ATRNL1: variants seen among roughly 807,000 people sequenced by gnomAD.
ATRNL1 encodes the protein attractin-like protein 1.
Under a neutral mutation model 182.7 loss-of-function variants are expected in ATRNL1, and 95 were observed. The observed-to-expected ratio is 0.52, with a 90% CI of 0.44 to 0.62. ATRNL1 has a LOEUF of 0.62. Ranked by LOEUF, ATRNL1 falls within the 20% of genes least tolerant of loss-of-function variation. ATRNL1 has a pLI of 0.00. For missense variants in ATRNL1, 1,471 were observed against 1,679.5 expected, an observed-to-expected ratio of 0.88 and a Z score of 2.17; for synonymous variants, 576 against 568.3, an observed-to-expected ratio of 1.01 and a Z score of -0.19.
intron 27 of ATRNL1, among the ~76,000 whole-genome samples, chr10:115,771,209 C>T (rs1200965635): frequency 6.7e-6 from 1 of 150,280 alleles, no homozygotes; most frequent in South Asian, 2.1e-4. Context: ...ACAACCAGGA[C>T]TAGAATTCAT....
intron 1 of ATRNL1, among the ~76,000 whole-genome samples, chr10:115,105,363 T>C (rs1004305031): frequency 3.0e-4 from 45 of 152,160 alleles, no homozygotes; most frequent in African/African-American, 1.1e-3. Flanking sequence ...CATTCCATTC[T>C]CAAAGGGAAA....
chr10:115,836,863 G>A (rs1205165521), intron 27 of ATRNL1, among the ~76,000 whole-genome samples: 2 of 152,158 alleles, frequency 1.3e-5, no homozygotes, highest in Admixed American at 6.6e-5. Flanking sequence ...TATTTGTGCT[G>A]TGGATCTTTT....
chr10:115,596,856 C>CT (rs1215105318), intron 26 of ATRNL1, among the ~76,000 whole-genome samples: 6 of 152,034 alleles, frequency 3.9e-5, no homozygotes, highest in Non-Finnish European at 8.8e-5. Context: ...AGACATCAAT[C>CT]TTTATCAAAT....
intron 15 of ATRNL1, among the ~76,000 whole-genome samples, chr10:115,298,022 A>G (rs1168465887): frequency 6.6e-6 from 1 of 152,140 alleles, no homozygotes; most frequent in African/African-American, 2.4e-5. Context: ...TGTGATGCTA[A>G]CTAGCATGCC....
chr10:115,516,203 G>T (rs1227991518), intron 24 of ATRNL1, among the ~76,000 whole-genome samples: 1 of 151,536 alleles, frequency 6.6e-6, no homozygotes, highest in African/African-American at 2.4e-5. Context: ...TTTCTCCCTT[G>T]ATCCTCATGG....
chr10:115,096,777 C>CT (rs2085021942), intron 1 of ATRNL1: 1 of 1,247,488 alleles, frequency 8.0e-7, no homozygotes, highest in Admixed American at 2.7e-5. Context: ...TGATTCCAGT[C>CT]TTCTGTTTCC....
intron 14 of ATRNL1, among the ~76,000 whole-genome samples, chr10:115,285,540 A>G (rs1554918485): frequency 6.6e-6 from 1 of 152,088 alleles, no homozygotes; most frequent in African/African-American, 2.4e-5. Flanking sequence ...TATTATATAA[A>G]CCTGTGTTTT....
intron 25 of ATRNL1, among the ~76,000 whole-genome samples, chr10:115,535,725 C>G (rs555686461): frequency 1.2e-4 from 19 of 152,074 alleles, no homozygotes; most frequent in African/African-American, 3.6e-4. Context: ...TGTTTTTTCC[C>G]CATCTTTGTG....
chr10:115,445,039 A>G (rs1846891683), intron 21 of ATRNL1, among the ~76,000 whole-genome samples: 1 of 151,818 alleles, frequency 6.6e-6, no homozygotes. Context: ...CCCTGAAATT[A>G]TTATTATATT....
At chr10:115,368,173 C>T (rs112657580) in intron 19 of ATRNL1, among the ~76,000 whole-genome samples, 36 of 152,242 alleles carry the variant, frequency 2.4e-4, no homozygotes, top group South Asian at 2.3e-3. Context: ...TAGCAATCAG[C>T]GAGACTCCGT....
intron 26 of ATRNL1, among the ~76,000 whole-genome samples, chr10:115,618,862 T>G (rs2133798405): frequency 6.6e-6 from 1 of 152,338 alleles, no homozygotes; most frequent in African/African-American, 2.4e-5. Flanking sequence ...ATTATGTTCC[T>G]TGGGTGATGC....
intron 25 of ATRNL1, among the ~76,000 whole-genome samples, chr10:115,521,472 C>T (rs1292633575): frequency 6.6e-6 from 1 of 152,016 alleles, no homozygotes; most frequent in African/African-American, 2.4e-5. Context: ...CTTTTTGATG[C>T]AGAATAGTCT....
intron 8 of ATRNL1, among the ~76,000 whole-genome samples, chr10:115,214,300 T>A (rs1287363209): frequency 1.8e-5 from 2 of 108,884 alleles, no homozygotes; most frequent in Admixed American, 1.1e-4. Flanking sequence ...ATGAAAATCT[T>A]TTAGTTCAAA....
intron 27 of ATRNL1, among the ~76,000 whole-genome samples, chr10:115,795,879 G>A (rs1949642633): frequency 6.6e-6 from 1 of 152,098 alleles, no homozygotes; most frequent in African/African-American, 2.4e-5. Flanking sequence ...TGGGGACACA[G>A]AGCCAAACCA....
intron 27 of ATRNL1, among the ~76,000 whole-genome samples, chr10:115,734,315 C>T (rs1947887196): frequency 6.6e-6 from 1 of 152,062 alleles, no homozygotes; most frequent in Admixed American, 6.6e-5. Flanking sequence ...TATTTTCATG[C>T]ATCCTTGTCA....
chr10:115,908,302 G>T (rs1952563981), intron 28 of ATRNL1, among the ~76,000 whole-genome samples: 2 of 152,110 alleles, frequency 1.3e-5, no homozygotes, highest in Admixed American at 6.5e-5. Context: ...GTCTAAAATG[G>T]ATCTGCAAAG....
intron 28 of ATRNL1, among the ~76,000 whole-genome samples, chr10:115,855,380 A>G (rs949950176): frequency 1.8e-4 from 27 of 152,134 alleles, no homozygotes; most frequent in African/African-American, 6.5e-4. Flanking sequence ...ACTGTCTTGA[A>G]ATCCCACACC....
chr10:115,887,988 A>G (rs1555110200), intron 28 of ATRNL1, among the ~76,000 whole-genome samples: 1 of 152,098 alleles, frequency 6.6e-6, no homozygotes, highest in Non-Finnish European at 1.5e-5. Flanking sequence ...GGATAGGCAT[A>G]TTGGAACTTA....
chr10:115,101,726 A>G (rs1299671379), intron 1 of ATRNL1, among the ~76,000 whole-genome samples: 1 of 151,866 alleles, frequency 6.6e-6, no homozygotes. Flanking sequence ...GCACCATGGG[A>G]CTCTCCTGAT....
Sources: allele counts gnomAD v4.1 joint callset (sites outside exome capture counted in the v4.1 genomes callset), GRCh38; gene constraint gnomAD v4.1.1; transcripts MANE v1.5; gene names NCBI Gene and HGNC (gene_info 2026-07-23, HGNC 2026-07-21).